The following ZNF732 variants were observed in gnomAD, a reference collection of about 807,000 sequenced individuals.
The protein encoded by ZNF732 is zinc finger protein LOC654254.
Under a neutral mutation model 11.5 loss-of-function variants are expected in ZNF732, and 12 were observed. The observed-to-expected ratio is 1.05, with a 90% CI of 0.67 to 1.70. The LOEUF (loss-of-function observed/expected upper bound fraction) is 1.70, where lower values mean the gene tolerates loss of function less well. ZNF732 is among the 40% of genes most tolerant of loss of function. The pLI is 0.00. For synonymous variants in ZNF732, 231 were observed against 236.5 expected, an observed-to-expected ratio of 0.98 and a Z score of 0.21; for missense variants, 702 against 676.9, an observed-to-expected ratio of 1.04 and a Z score of -0.41.
chr4:290,693 C>CA (rs1719827730), intron 3 of ZNF732, among the ~76,000 whole-genome samples: 1 of 152,196 alleles, frequency 6.6e-6, no homozygotes, highest in Non-Finnish European at 1.5e-5. Context: ...CCCTAGCCTA[C>CA]AACCTGCCAT....
intron 3 of ZNF732, among the ~76,000 whole-genome samples, chr4:277,264 C>A (rs181210064): frequency 2.0e-5 from 3 of 151,826 alleles, no homozygotes; most frequent in Admixed American, 2.0e-4. Context: ...AAATCACAGG[C>A]AAAAGAAGCA....
chr4:288,627 T>C (rs969490777), intron 3 of ZNF732, among the ~76,000 whole-genome samples: 1 of 152,268 alleles, frequency 6.6e-6, no homozygotes. Flanking sequence ...CCTCACTGTT[T>C]TTATTTATGT....
chr4:303,489 G>A (rs1423168554), intron 1 of ZNF732, among the ~76,000 whole-genome samples: 1 of 152,118 alleles, frequency 6.6e-6, no homozygotes, highest in Non-Finnish European at 1.5e-5. Context: ...TGGTGGCACA[G>A]GCCTGTAATC....
rs544219014 is a variant in ZNF732 at position 287,870 on chromosome 4, T to C, written c.226+7568A>G. On this transcript the variant is annotated intron_variant, in intron 3 of 3. Transcript: ENST00000419098. Reference sequence around the variant, plus strand: ...TAGTTTTTGGAGGAACCTCCATACATTTTTTTCAGGTGGTTGCATCACTTT... The same window carrying C: ...TAGTTTTTGGAGGAACCTCCATACACTTTTTTCAGGTGGTTGCATCACTTT... 3.7e-4 allele frequency among the ~76,000 whole-genome samples: 56 copies of C among 152,246 alleles called. 1 individual carries two copies. The highest frequency in any genetic ancestry group is 1.3e-3 in the African/African-American group (56 of 41,550).
chr4:300,053 G>C (rs911291482), intron 1 of ZNF732, among the ~76,000 whole-genome samples: 8 of 151,750 alleles, frequency 5.3e-5, no homozygotes, highest in Non-Finnish European at 1.2e-4. Flanking sequence ...GGAACTGATA[G>C]AAAGTTGTCA....
At chr4:283,643 C>T (rs1165060528) in intron 3 of ZNF732, among the ~76,000 whole-genome samples, 1 of 151,622 alleles carries the variant, frequency 6.6e-6, no homozygotes, top group Non-Finnish European at 1.5e-5. Flanking sequence ...AATGGAGAAA[C>T]AGAAAAACAT....
chr4:292,190 A>G (rs1190852852), intron 3 of ZNF732, among the ~76,000 whole-genome samples: 2 of 152,260 alleles, frequency 1.3e-5, no homozygotes, highest in Non-Finnish European at 2.9e-5. Flanking sequence ...CACAGCAACA[A>G]AAGAAAACAC....
At chr4:280,932 T>C (rs1303606758) in intron 3 of ZNF732, among the ~76,000 whole-genome samples, 3 of 151,890 alleles carry the variant, frequency 2.0e-5, no homozygotes, top group Non-Finnish European at 4.4e-5. Context: ...ATGTCAGTCA[T>C]GGTGTGGAAG....
At chr4:284,017 TCTC>T (rs1326358308) in intron 3 of ZNF732, among the ~76,000 whole-genome samples, 1 of 152,044 alleles carries the variant, frequency 6.6e-6, no homozygotes. Flanking sequence ...TTCACGCCAT[TCTC>T]CTGCCTCAGC....
intron 3 of ZNF732, among the ~76,000 whole-genome samples, chr4:289,671 G>A (rs1419062356): frequency 4.6e-5 from 7 of 152,026 alleles, no homozygotes; most frequent in African/African-American, 9.7e-5. Context: ...AAAATAGTTC[G>A]TGTTTCTGTA....
chr4:278,771 G>A (rs1056068417), intron 3 of ZNF732, among the ~76,000 whole-genome samples: 3 of 152,188 alleles, frequency 2.0e-5, no homozygotes, highest in Non-Finnish European at 4.4e-5. Context: ...GTCTGTGCAC[G>A]GAAGGGTGGC....
chr4:297,607 T>TAAAAA lies in ZNF732; in HGVS notation c.4-1457_4-1453dup, dbSNP rs57681246. Among the ~76,000 whole-genome samples the TAAAAA allele has an allele frequency of 4.1e-3, 410 of 100,980 alleles. 5 individuals carry two copies. In the South Asian group the frequency reaches 0.044, roughly 11 times the overall value. The allele number at this position is 100,980 out of a possible 152,430, so 66.2% of individuals were successfully genotyped here. A position where few individuals can be genotyped will look rare whatever the true frequency, so the allele number is the denominator to read the frequency against. ...ATTTTTGTGTTGTATTTAAGATTTG[T>TAAAAA]AAAAAAAAAAAAAAAAAAAAAAAAA... On this transcript the variant is annotated intron_variant, in intron 1 of 3. Transcript: ENST00000419098.
chr4:284,652 C>G (rs1283723277), intron 3 of ZNF732, among the ~76,000 whole-genome samples: 3 of 151,768 alleles, frequency 2.0e-5, no homozygotes, highest in Non-Finnish European at 2.9e-5. Context: ...GCGGGTGGAT[C>G]ACGAGATCAG....
At chr4:273,286 C>A (rs79767202) in intron 3 of ZNF732, among the ~76,000 whole-genome samples, 1 of 151,916 alleles carries the variant, frequency 6.6e-6, no homozygotes, top group South Asian at 2.1e-4. Context: ...TACTATAATC[C>A]GTATCAAAGA....
intron 1 of ZNF732, among the ~76,000 whole-genome samples, chr4:297,298 C>T (rs1318760658): frequency 2.0e-5 from 3 of 151,432 alleles, no homozygotes; most frequent in Non-Finnish European, 2.9e-5. Flanking sequence ...ACAACATGTG[C>T]GCCTGCATTA....
Position 305,449 on chromosome 4 carries a change from A to G in ZNF732, c.-139T>C, listed in dbSNP as rs1581554512. The stretch of plus-strand genomic sequence containing the variant: ...TGAAAGCACGGCCGTGGAGACCCTA[A>G]CCGAGCTCACGCTGGCGCAAAAGGC... On this transcript the variant is annotated 5_prime_UTR_variant, in exon 1 of 4. Coordinates refer to ENST00000419098, the MANE Select transcript of ZNF732 (RefSeq NM_001137608.3). 8.1e-7 allele frequency: 1 copy of G among 1,228,932 alleles called. No individual in the cohort carries two copies. Among genetic ancestry groups the G allele is most frequent in the South Asian group, 1.4e-5 (1 of 73,710 alleles). The allele number at this position is 1,228,932 out of a possible 1,614,324, so 76.1% of individuals were successfully genotyped here. A position where few individuals can be genotyped will look rare whatever the true frequency, so the allele number is the denominator to read the frequency against.
intron 1 of ZNF732, among the ~76,000 whole-genome samples, chr4:299,626 A>G (rs1245954831): frequency 1.4e-5 from 2 of 141,716 alleles, no homozygotes; most frequent in Non-Finnish European, 3.1e-5. Context: ...TAAATAATAT[A>G]TTTGTATATA....
intron 3 of ZNF732, among the ~76,000 whole-genome samples, chr4:288,481 C>G (rs1332333683): frequency 6.6e-6 from 1 of 152,168 alleles, no homozygotes; most frequent in Admixed American, 6.5e-5. Context: ...TATTCCAACA[C>G]CATTTATTAA....
intron 3 of ZNF732, among the ~76,000 whole-genome samples, chr4:292,901 A>AAT (rs1719869036): frequency 2.1e-5 from 3 of 144,748 alleles, no homozygotes; most frequent in South Asian, 2.2e-4. Flanking sequence ...AAAAAAAAAA[A>AAT]AAAAAAAAAA....
Sources: allele counts gnomAD v4.1 joint callset (sites outside exome capture counted in the v4.1 genomes callset), GRCh38; gene constraint gnomAD v4.1.1; transcripts MANE v1.5; gene names NCBI Gene and HGNC (gene_info 2026-07-23, HGNC 2026-07-21).